The following PPP1R16B variants were observed in gnomAD, a reference collection of about 807,000 sequenced individuals.
PPP1R16B encodes protein phosphatase 1 regulatory subunit 16B, also known as protein phosphatase 1 regulatory inhibitor subunit 16B.
In PPP1R16B, 14 loss-of-function variants were observed where a neutral mutation model predicts 61.7. The observed-to-expected ratio is 0.23, with a 90% CI of 0.15 to 0.35. PPP1R16B has a LOEUF of 0.35. PPP1R16B is among the 10% of genes least tolerant of loss of function. PPP1R16B has a pLI of 1.00. For missense variants in PPP1R16B, 547 were observed against 752.5 expected (o/e 0.73, Z 3.19); for synonymous variants, 266 against 305.3 (o/e 0.87, Z 1.34).
In PPP1R16B at chr20:38,920,845, C is replaced by G. The variant is rs1219557885; in HGVS notation, c.*2179C>G. On this transcript the variant is annotated 3_prime_UTR_variant, in exon 11 of 11. Transcript: ENST00000299824. ...TGTGGCTGGAACAGGACAGGATGATCTAAAACACACGTACCATTGGCTGTA... is the reference window on the plus strand; with the variant it reads ...TGTGGCTGGAACAGGACAGGATGATGTAAAACACACGTACCATTGGCTGTA... 1 of 152,250 alleles carries G rather than the reference C, an allele frequency of 6.6e-6. No homozygotes were observed. Among genetic ancestry groups the G allele is most frequent in the Non-Finnish European group, 1.5e-5 (1 of 68,086 alleles). The allele number at this position is 152,250 out of a possible 1,614,324, so 9.4% of individuals were successfully genotyped here. A position where few individuals can be genotyped will look rare whatever the true frequency, so the allele number is the denominator to read the frequency against.
In PPP1R16B at chr20:38,806,477, G is replaced by C. The variant is rs2084662309; in HGVS notation, c.-102+685G>C. ...GTGCGCCGGCGGCTGGGTCCCCCGCGCCAGGAGCGCTCCCCTCTGGGCGAC... is the reference window on the plus strand; with the variant it reads ...GTGCGCCGGCGGCTGGGTCCCCCGCCCCAGGAGCGCTCCCCTCTGGGCGAC... On this transcript the variant is annotated intron_variant, in intron 1 of 10. Transcript: ENST00000299824. This position sits in a 1 kb window ranked among gnomAD's most constrained non-coding sequence, Gnocchi z 4.5. 6.6e-6 allele frequency among the ~76,000 whole-genome samples: 1 copy of C among 152,074 alleles called. No individual in the cohort carries two copies. Among genetic ancestry groups the C allele is most frequent in the Admixed American group, 6.5e-5 (1 of 15,282 alleles).
At chr20:38,874,624 A>G (rs376362402) in intron 2 of PPP1R16B, among the ~76,000 whole-genome samples, 3 of 152,192 alleles carry the variant, frequency 2.0e-5, no homozygotes, top group African/African-American at 7.2e-5. Flanking sequence ...GGTTGGAGCA[A>G]AGGTCAGACT....
In PPP1R16B at chr20:38,834,617, T is replaced by C. The variant is rs548839487; in HGVS notation, c.-101-1208T>C. Among the ~76,000 whole-genome samples the C allele has an allele frequency of 2.6e-5, 4 of 152,318 alleles. No homozygotes were observed. In the South Asian group the frequency reaches 8.3e-4, roughly 32 times the overall value. On this transcript the variant is annotated intron_variant, in intron 1 of 10. Transcript: ENST00000299824. Reference sequence around the variant, plus strand: ...CAGCAGTTTTTAAACTTTTTTGTCTTAGGATTTCTTTAGTTCCTTAAATTG... The same window carrying C: ...CAGCAGTTTTTAAACTTTTTTGTCTCAGGATTTCTTTAGTTCCTTAAATTG...
At chr20:38,859,567 T>C (rs1236935957) in intron 2 of PPP1R16B, among the ~76,000 whole-genome samples, 1 of 152,218 alleles carries the variant, frequency 6.6e-6, no homozygotes, top group Non-Finnish European at 1.5e-5. Flanking sequence ...TCATGGCTCA[T>C]TGCAGCCTCA....
intron 6 of PPP1R16B, among the ~76,000 whole-genome samples, chr20:38,904,953 G>A (rs2085427134): frequency 6.6e-6 from 1 of 152,192 alleles, no homozygotes; most frequent in Admixed American, 6.5e-5. Context: ...CTCTAAGAAT[G>A]TGAATCCCTT....
intron 2 of PPP1R16B, among the ~76,000 whole-genome samples, chr20:38,839,446 G>A (rs903625117): frequency 6.6e-6 from 1 of 152,104 alleles, no homozygotes; most frequent in South Asian, 2.1e-4. Flanking sequence ...ATCAATCAAC[G>A]TAGAAGTGTA....
At chr20:38,872,393 T>C (rs1286823632) in intron 2 of PPP1R16B, among the ~76,000 whole-genome samples, 2 of 152,128 alleles carry the variant, frequency 1.3e-5, no homozygotes, top group South Asian at 2.1e-4. Context: ...TGGCGAACAT[T>C]TGCGGAGCGG....
At position 38,918,452 on chromosome 20, in the gene PPP1R16B, T is replaced by A; in HGVS notation, c.1490T>A (p.Phe497Tyr). 1 of 1,614,070 alleles carries A rather than the reference T, an allele frequency of 6.2e-7. No individual in the cohort carries two copies. The highest frequency in any genetic ancestry group is 8.5e-7 in the Non-Finnish European group (1 of 1,180,024). Reference sequence around the variant, plus strand: ...GCAGCCAAGCTGCTCAGCCACCCCTTCCTTAGCACACACCTGGGCAGCAGC... The same window carrying A: ...GCAGCCAAGCTGCTCAGCCACCCCTACCTTAGCACACACCTGGGCAGCAGC... ...RAAAKLLSHP[F>Y]LSTHLGSSMA... The change falls in exon 11 of 11, where the codon TTC (phenylalanine) becomes TAC (tyrosine). Residue 497 changes from phenylalanine (F) to tyrosine (Y), a missense_variant. Physicochemically the swap from Phe to Tyr is conservative, Grantham distance 22. Transcript: ENST00000299824. This position sits in a 1 kb window ranked among gnomAD's most constrained non-coding sequence, Gnocchi z 5.3.
chr20:38,873,793 A>C (rs985605212), intron 2 of PPP1R16B, among the ~76,000 whole-genome samples: 1 of 144,624 alleles, frequency 6.9e-6, no homozygotes, highest in African/African-American at 2.6e-5. Flanking sequence ...GGCTGGCGTG[A>C]TCTCAGCTCA....
intron 2 of PPP1R16B, among the ~76,000 whole-genome samples, chr20:38,855,532 G>A (rs1474650209): frequency 2.6e-5 from 4 of 152,180 alleles, no homozygotes; most frequent in East Asian, 1.9e-4. Flanking sequence ...CACGGACGCC[G>A]AAAATAACTT....
rs1365938933 is a variant in PPP1R16B, at chr20:38,918,055, A to G, written c.1195-102A>G. 6 of 1,451,202 alleles carry G rather than the reference A, an allele frequency of 4.1e-6. No individual in the cohort carries two copies. In the African/African-American group the frequency reaches 8.5e-5, roughly 20 times the overall value. 89.9% of individuals were successfully genotyped at this position (1,451,202 alleles called of 1,614,324 possible). A position where few individuals can be genotyped will look rare whatever the true frequency, so the allele number is the denominator to read the frequency against. On this transcript the variant is annotated intron_variant, in intron 10 of 10. Transcript: ENST00000299824. This position sits in a 1 kb window ranked among gnomAD's most constrained non-coding sequence, Gnocchi z 5.3. ...CCCGATACCCAGGGAGAGAAAACAG[A>G]TAGAGGAAAAGTCCAAACAATAATG...
intron 2 of PPP1R16B, among the ~76,000 whole-genome samples, chr20:38,883,388 G>A (rs1203322864): frequency 7.9e-5 from 12 of 152,362 alleles, no homozygotes; most frequent in East Asian, 5.8e-4. Flanking sequence ...AAAGGCAGCC[G>A]CCACCAGCTT....
At chr20:38,879,474 A>G (rs951813239) in intron 2 of PPP1R16B, among the ~76,000 whole-genome samples, 2 of 152,226 alleles carry the variant, frequency 1.3e-5, no homozygotes, top group African/African-American at 2.4e-5. Context: ...GAAAGACTAT[A>G]CATATTGAAA....
chr20:38,915,957 C>T (rs907059877), intron 10 of PPP1R16B, among the ~76,000 whole-genome samples: 1 of 151,444 alleles, frequency 6.6e-6, no homozygotes, highest in African/African-American at 2.4e-5. Context: ...TAACAATATC[C>T]CTAGGCAACT....
Position 38,907,902 on chromosome 20 carries a change from T to C in PPP1R16B, c.995T>C (p.Leu332Ser). The change falls in exon 9 of 11, where the codon TTG (leucine) becomes TCG (serine). Residue 332 changes from leucine to serine, a missense_variant. Coordinates refer to ENST00000299824, the MANE Select transcript of PPP1R16B (RefSeq NM_015568.4). This position sits in a 1 kb window ranked among gnomAD's most constrained non-coding sequence, Gnocchi z 4.5. ...MKSQLRHKSS[L>S]SRRTSSAGSR... Reference sequence around the variant, plus strand: ...TCACAGCTGAGGCACAAGTCATCCTTGAGCCGGAGGACCTCCAGCGCAGGC... The same window carrying C: ...TCACAGCTGAGGCACAAGTCATCCTCGAGCCGGAGGACCTCCAGCGCAGGC... 6.2e-7 allele frequency: 1 copy of C among 1,614,218 alleles called. No homozygotes were observed. The highest frequency in any genetic ancestry group is 8.5e-7 in the Non-Finnish European group (1 of 1,180,038).
Position 38,880,312 on chromosome 20 carries a change from T to G in PPP1R16B, c.251-9283T>G, listed in dbSNP as rs543452307. 3.9e-5 allele frequency among the ~76,000 whole-genome samples: 6 copies of G among 152,132 alleles called. No individual in the cohort carries two copies. The East Asian group carries it at 1.2e-3, about 29-fold the overall frequency. On this transcript the variant is annotated intron_variant, in intron 2 of 10. Coordinates refer to ENST00000299824, the MANE Select transcript of PPP1R16B (RefSeq NM_015568.4). ...CCTGCAAGAGGCTTTGCAGAATAAA[T>G]GACATTGAAGCTGGGACTTGGAATC... is the stretch of plus-strand genomic sequence containing the variant.
chr20:38,818,229 T>C (rs2084751670), intron 1 of PPP1R16B, among the ~76,000 whole-genome samples: 2 of 152,240 alleles, frequency 1.3e-5, no homozygotes, highest in Non-Finnish European at 2.9e-5. Context: ...GGGGTAATGA[T>C]GCCTGTTTCT....
chr20:38,874,409 C>G (rs2085151681), intron 2 of PPP1R16B, among the ~76,000 whole-genome samples: 1 of 152,122 alleles, frequency 6.6e-6, no homozygotes, highest in South Asian at 2.1e-4. Flanking sequence ...CTCAGACAAC[C>G]TTATGAGATT....
chr20:38,830,765 G>A (rs1003263598), intron 1 of PPP1R16B, among the ~76,000 whole-genome samples: 5 of 152,206 alleles, frequency 3.3e-5, no homozygotes, highest in Non-Finnish European at 5.9e-5. Flanking sequence ...TCCATGTTAC[G>A]TCAAGGCTTG....
Sources: gnomAD v4.1 joint callset for allele counts (sites outside exome capture counted in the v4.1 genomes callset) on GRCh38, gnomAD v4.1.1 for gene constraint, Gnocchi (gnomAD v3.1) non-coding constraint, MANE v1.5 for transcripts, NCBI Gene and HGNC (gene_info 2026-07-23, HGNC 2026-07-21) for gene names.